The following COL6A6 variants were observed in gnomAD, a reference collection of about 807,000 sequenced individuals.
The protein encoded by COL6A6 is collagen alpha-6(VI) chain.
In COL6A6, 183 loss-of-function variants were observed where a neutral mutation model predicts 208.6. That is an observed-to-expected ratio of 0.88 (90% CI 0.78 to 0.99). The LOEUF is 0.99. COL6A6 is among the 50% of genes least tolerant of loss of function. COL6A6 has a pLI of 0.00. For synonymous variants in COL6A6, 973 were observed against 1,011.8 expected, an observed-to-expected ratio of 0.96 and a Z score of 0.73; for missense variants, 2,816 against 2,815.2, an observed-to-expected ratio of 1.00 and a Z score of -0.01.
intron 24 of COL6A6, among the ~76,000 whole-genome samples, chr3:130,623,428 C>T (rs1255568602): frequency 1.3e-5 from 2 of 152,188 alleles, no homozygotes; most frequent in African/African-American, 2.4e-5. Context: ...CACTGCACTC[C>T]AGCCTGGGTG....
chr3:130,603,734 C>T (rs541217405), intron 20 of COL6A6, among the ~76,000 whole-genome samples: 1 of 152,262 alleles, frequency 6.6e-6, no homozygotes, highest in Admixed American at 6.5e-5. Flanking sequence ...GAAGTGGTGT[C>T]GGACAATTGT....
chr3:130,586,362 A>T (rs1359637759), intron 10 of COL6A6, 144 bp from the exon 11 acceptor site: 10 of 636,686 alleles, frequency 1.6e-5, no homozygotes, highest in Non-Finnish European at 2.7e-5. Flanking sequence ...TGTCAGGTTT[A>T]CATCATGTGT....
At position 130,584,001 on chromosome 3, in the gene COL6A6, T is replaced by C. The variant is rs866548401; in HGVS notation, c.3970+1933T>C. Among the ~76,000 whole-genome samples, 12 of 152,336 alleles carry C rather than the reference T, an allele frequency of 7.9e-5. 1 individual carries two copies. In the Middle Eastern group the frequency reaches 0.01, roughly 130 times the overall value. On this transcript the variant is annotated intron_variant, in intron 10 of 36. Transcript: ENST00000358511. ...AACAATCCTTGATGGCGGACGTGGC[T>C]GTAAAACTTATGCACATGGAATGGG...
intron 21 of COL6A6, 139 bp from the exon 22 acceptor site, chr3:130,608,763 C>CTTTTTT (rs752049202): frequency 1.3e-5 from 4 of 310,156 alleles, no homozygotes; most frequent in Admixed American, 8.3e-5. Context: ...TATTTTTCAC[C>CTTTTTT]TTTTTTTTTT....
chr3:130,610,524 T>G, intron 22 of COL6A6, 125 bp from the exon 23 acceptor site: 1 of 721,258 alleles, frequency 1.4e-6, no homozygotes, highest in African/African-American at 1.8e-5. Flanking sequence ...AGGAAAGGCA[T>G]GATTGGAGCT....
Position 130,661,795 on chromosome 3 carries a change from A to G in COL6A6, c.5989A>G (p.Ile1997Val), listed in dbSNP as rs1269071383. 1 of 1,613,886 alleles carries G rather than the reference A, an allele frequency of 6.2e-7. No homozygotes were observed. Among genetic ancestry groups the G allele is most frequent in the Non-Finnish European group, 8.5e-7 (1 of 1,179,862 alleles). Residue 1997 changes from isoleucine to valine, a missense_variant, in exon 35 of 37, where the codon ATC becomes GTC. Physicochemically the swap from Ile to Val is conservative, Grantham distance 29. Transcript: ENST00000358511. ...FLGALLDHFE[I>V]TPEPETSVTG... Reference sequence around the variant, plus strand: ...TGGAGCACTATTAGATCACTTTGAAATCACCCCAGAGCCGGAGACTTCTGT... The same window carrying G: ...TGGAGCACTATTAGATCACTTTGAAGTCACCCCAGAGCCGGAGACTTCTGT...
chr3:130,675,405 C>T lies in COL6A6; in HGVS notation c.*8C>T, dbSNP rs771759870. The T allele has an allele frequency of 1.3e-5, 21 of 1,557,528 alleles. No homozygotes were observed. The highest frequency in any genetic ancestry group is 4.1e-5 in the African/African-American group (3 of 73,004). ...CCCAAACAACATGATTAAAAAAATGCTTGAACAACTTAGCCTTAGGAAGCA... is the reference window on the plus strand; with the variant it reads ...CCCAAACAACATGATTAAAAAAATGTTTGAACAACTTAGCCTTAGGAAGCA... On this transcript the variant is annotated 3_prime_UTR_variant, in exon 37 of 37. Coordinates refer to ENST00000358511, the MANE Select transcript of COL6A6 (RefSeq NM_001102608.3).
intron 23 of COL6A6, among the ~76,000 whole-genome samples, chr3:130,618,722 AAC>A (rs1389309533): frequency 6.6e-6 from 1 of 152,236 alleles, no homozygotes. Context: ...CTGCATGGGA[AAC>A]ACAATCAGGT....
intron 31 of COL6A6, 64 bp downstream of exon 31, chr3:130,643,087 C>T (rs10934951): frequency 0.13 from 198,566 of 1,532,468 alleles, 18,515 homozygotes; most frequent in African/African-American, 0.46. Flanking sequence ...AGCAGAGAAA[C>T]CTACACTCAG....
intron 8 of COL6A6, among the ~76,000 whole-genome samples, chr3:130,574,975 G>C (rs2063259185): frequency 6.6e-6 from 1 of 152,110 alleles, no homozygotes; most frequent in African/African-American, 2.4e-5. Flanking sequence ...AAATTTTACT[G>C]CAGAAATTAG....
intron 17 of COL6A6, among the ~76,000 whole-genome samples, chr3:130,593,605 A>G (rs1396332256): frequency 6.6e-6 from 1 of 152,240 alleles, no homozygotes; most frequent in Non-Finnish European, 1.5e-5. Context: ...CTTCAGACCT[A>G]GGGTCAGAAC....
intron 26 of COL6A6, among the ~76,000 whole-genome samples, chr3:130,628,601 G>A (rs1254981496): frequency 6.6e-6 from 1 of 152,008 alleles, no homozygotes; most frequent in Non-Finnish European, 1.5e-5. Flanking sequence ...ATCCAGTAGG[G>A]ATTATTATAT....
intron 33 of COL6A6, among the ~76,000 whole-genome samples, chr3:130,656,397 T>C: frequency 6.6e-6 from 1 of 150,732 alleles, no homozygotes; most frequent in Non-Finnish European, 1.5e-5. Context: ...GGTCTCCTGA[T>C]GAGTGTCTGG....
intron 1 of COL6A6, among the ~76,000 whole-genome samples, chr3:130,536,809 A>G (rs1250743371): frequency 6.6e-6 from 1 of 152,228 alleles, no homozygotes; most frequent in East Asian, 1.9e-4. Flanking sequence ...AAACTATCTC[A>G]TTTTTAGTTT....
intron 1 of COL6A6, among the ~76,000 whole-genome samples, chr3:130,547,922 C>T (rs920374522): frequency 5.9e-5 from 9 of 152,304 alleles, no homozygotes; most frequent in Middle Eastern, 3.4e-3. Flanking sequence ...CTCAGCCTCC[C>T]GAGTAGCTGG....
At chr3:130,601,401 T>C (rs2064015691) in intron 20 of COL6A6, among the ~76,000 whole-genome samples, 1 of 152,198 alleles carries the variant, frequency 6.6e-6, no homozygotes, top group Admixed American at 6.5e-5. Context: ...TCGTTTAAAA[T>C]ATGCAGAATT....
At position 130,661,949 on chromosome 3, in the gene COL6A6, T is replaced by C; in HGVS notation, c.6143T>C (p.Val2048Ala). The change falls in exon 35 of 37, where the codon GTG becomes GCG. Residue 2048 changes from valine (V) to alanine (A), a missense_variant. Physicochemically the swap from Val to Ala is moderately conservative, Grantham distance 64. Transcript: ENST00000358511. The part of the protein sequence containing the change: ...YRSKRLMKRH[V>A]HESVKQLNGD... The stretch of plus-strand genomic sequence containing the variant: ...AGTAAGCGCCTCATGAAGAGGCATG[T>C]GCACGAGTCAGTTAAACAACTAAAT... 6.2e-7 allele frequency: 1 copy of C among 1,614,038 alleles called. No homozygotes were observed. The highest frequency in any genetic ancestry group is 1.3e-5 in the African/African-American group (1 of 75,060).
In COL6A6 at chr3:130,649,239, T is replaced by C. The variant is rs775840065; in HGVS notation, c.5410T>C (p.Ser1804Pro). 6.3e-7 allele frequency: 1 copy of C among 1,593,556 alleles called. No individual in the cohort carries two copies. The highest frequency in any genetic ancestry group is 8.5e-7 in the Non-Finnish European group (1 of 1,170,176). ...CPVGAHIAIL[S>P]YNSHARHLVR... ...CGTGGGAGCGCACATCGCCATCCTC[T>C]CCTATAACTCCCACGCCAGGCACCT... Residue 1804 changes from serine (S) to proline (P), a missense_variant, in exon 33 of 37, where the codon TCC becomes CCC. Transcript: ENST00000358511.
chr3:130,574,524 C>A lies in COL6A6; in HGVS notation c.3546C>A (p.Ser1182Arg). 6.2e-7 allele frequency: 1 copy of A among 1,611,772 alleles called. No individual in the cohort carries two copies. The highest frequency in any genetic ancestry group is 8.5e-7 in the Non-Finnish European group (1 of 1,178,306). ...VRNICTTAGE[S>R]NCFVDVVVGF... is the part of the protein sequence containing the mutation. ...ACATCTGTACCACAGCGGGTGAAAG[C>A]AGTAAGTATTTAGCAAGTTCTTCAT... is the stretch of plus-strand genomic sequence containing the variant. Residue 1182 changes from serine (S) to arginine (R), a missense_variant and splice_region_variant, in exon 8 of 37, where the codon AGC becomes AGA. Physicochemically the swap from Ser to Arg is moderately radical, Grantham distance 110. Transcript: ENST00000358511.
Sources: allele counts gnomAD v4.1 joint callset (sites outside exome capture counted in the v4.1 genomes callset), GRCh38; gene constraint gnomAD v4.1.1; transcripts MANE v1.5; gene names NCBI Gene and HGNC (gene_info 2026-07-23, HGNC 2026-07-21).